Variants in HIRA observed in about 807,000 individuals in gnomAD.
HIRA encodes the protein histone cell cycle regulator.
A neutral mutation model predicts 126.6 loss-of-function variants in HIRA; 13 were observed. That is an observed-to-expected ratio of 0.10 (90% CI 0.07 to 0.16). The LOEUF (loss-of-function observed/expected upper bound fraction) is 0.16, where lower values mean the gene tolerates loss of function less well. Among genes scored for constraint, HIRA ranks in the 10% least tolerant of loss-of-function variants. HIRA has a pLI of 1.00. For missense variants in HIRA, 834 were observed against 1,314.4 expected, an observed-to-expected ratio of 0.63 and a Z score of 5.65; for synonymous variants, 511 against 520.0, an observed-to-expected ratio of 0.98 and a Z score of 0.24.
At position 19,431,405 on chromosome 22, in the gene HIRA, G is replaced by C. The variant is rs781758134; in HGVS notation, c.37+35C>G. On this transcript the variant is annotated intron_variant, in intron 1 of 24. Coordinates refer to ENST00000263208, the MANE Select transcript of HIRA (RefSeq NM_003325.4). ...CGACTCCAGACCCCGACCCGACTCC[G>C]GGCTCGGCCTCCCGCGACCCCTGCG... 3 of 1,604,704 alleles carry C rather than the reference G, an allele frequency of 1.9e-6. No homozygotes were observed. In the South Asian group the frequency reaches 3.3e-5, roughly 18 times the overall value.
intron 24 of HIRA, among the ~76,000 whole-genome samples, chr22:19,335,085 A>T (rs2088549568): frequency 6.6e-6 from 1 of 152,242 alleles, no homozygotes; most frequent in Admixed American, 6.5e-5. Context: ...GTCTTCAAGT[A>T]TTATATCACT....
chr22:19,348,669 G>A (rs568668115), intron 24 of HIRA, among the ~76,000 whole-genome samples: 1 of 150,616 alleles, frequency 6.6e-6, no homozygotes, highest in South Asian at 2.1e-4. Flanking sequence ...CTAATTTTTT[G>A]TATTTTTAGT....
rs2089036728 is a variant in HIRA, at chr22:19,378,131, T to C, written c.1416-65A>G. ...GGTGCCACATCCAGTACTTTATACATTCAAATAACTTTTTTCTAGGTCCAA... is the reference window on the plus strand; with the variant it reads ...GGTGCCACATCCAGTACTTTATACACTCAAATAACTTTTTTCTAGGTCCAA... On this transcript the variant is annotated intron_variant, in intron 13 of 24. Coordinates refer to ENST00000263208, the MANE Select transcript of HIRA (RefSeq NM_003325.4). The C allele has an allele frequency of 4.0e-6, 5 of 1,247,608 alleles. No individual in the cohort carries two copies. In the Admixed American group the frequency reaches 1.4e-4, roughly 35 times the overall value. The allele number at this position is 1,247,608 out of a possible 1,614,324, so 77.3% of individuals were successfully genotyped here. A position where few individuals can be genotyped will look rare whatever the true frequency, so the allele number is the denominator to read the frequency against.
chr22:19,379,202 C>A (rs1026144239), intron 13 of HIRA, among the ~76,000 whole-genome samples: 1 of 151,336 alleles, frequency 6.6e-6, no homozygotes, highest in African/African-American at 2.4e-5. Context: ...TTAGTAGAGA[C>A]GGGGTTTAAC....
chr22:19,401,936 G>C lies in HIRA; in HGVS notation c.398-3849C>G, dbSNP rs568718193. On this transcript the variant is annotated intron_variant, in intron 5 of 24. Transcript: ENST00000263208. Reference sequence around the variant, plus strand: ...TTGCTCAGAGAAGAGCCTCTGCCACGGTCTCAAAGGCACACTGCCTCCCGC... The same window carrying C: ...TTGCTCAGAGAAGAGCCTCTGCCACCGTCTCAAAGGCACACTGCCTCCCGC... Among the ~76,000 whole-genome samples, 8 of 152,252 alleles carry C rather than the reference G, an allele frequency of 5.3e-5. No homozygotes were observed. In the East Asian group the frequency reaches 1.5e-3, roughly 29 times the overall value.
intron 5 of HIRA, among the ~76,000 whole-genome samples, chr22:19,404,048 A>C (rs903023603): frequency 2.6e-5 from 4 of 152,152 alleles, no homozygotes; most frequent in Non-Finnish European, 5.9e-5. Flanking sequence ...TGTCTGGGTT[A>C]AATGTTTTTC....
rs770918399 is a variant in HIRA at position 19,408,615 on chromosome 22, G to T, written c.101-22C>A. On this transcript the variant is annotated intron_variant, in intron 2 of 24. Coordinates refer to ENST00000263208, the MANE Select transcript of HIRA (RefSeq NM_003325.4). ...TGCCCTGGAACAAAGGAGCAGAAAT[G>T]GCTGAATGTGCAAGGAGTAGAAATT... 3 of 1,365,184 alleles carry T rather than the reference G, an allele frequency of 2.2e-6. No homozygotes were observed. In the African/African-American group the frequency reaches 4.3e-5, roughly 19 times the overall value. 84.6% of individuals were successfully genotyped at this position (1,365,184 alleles called of 1,614,324 possible).
Position 19,375,696 on chromosome 22 carries a change from T to C in HIRA, c.1710A>G (p.Thr570=). The change falls in exon 15 of 25, where the codon ACA becomes ACG. Residue 570 remains threonine, a synonymous_variant. Transcript: ENST00000263208. ...EPMKAFDSRF[T]ERSKATPGAP... ...CACCTGGTGTGGCTTTGGACCGCTC[T>C]GTGAACCGGGAGTCAAACGCTTTCA... 1.9e-6 allele frequency: 3 copies of C among 1,614,202 alleles called. No homozygotes were observed. The highest frequency in any genetic ancestry group is 2.5e-6 in the Non-Finnish European group (3 of 1,180,042).
At chr22:19,345,900 A>C (rs1556008739) in intron 24 of HIRA, among the ~76,000 whole-genome samples, 3 of 152,240 alleles carry the variant, frequency 2.0e-5, no homozygotes, top group African/African-American at 7.2e-5. Flanking sequence ...GGATCCTTGA[A>C]GTTGAAAGAA....
At chr22:19,350,913 G>C (rs2088750071) in intron 24 of HIRA, among the ~76,000 whole-genome samples, 1 of 151,908 alleles carries the variant, frequency 6.6e-6, no homozygotes, top group African/African-American at 2.4e-5. Flanking sequence ...CCTCTCACAA[G>C]GCCTTCCTGG....
At chr22:19,388,089 A>G (rs2089144066) in intron 10 of HIRA, among the ~76,000 whole-genome samples, 1 of 152,146 alleles carries the variant, frequency 6.6e-6, no homozygotes, top group Non-Finnish European at 1.5e-5. Flanking sequence ...AATTTTACTT[A>G]TCTTACTTTT....
chr22:19,404,806 C>T (rs1455821553), intron 5 of HIRA, among the ~76,000 whole-genome samples: 3 of 152,210 alleles, frequency 2.0e-5, no homozygotes, highest in African/African-American at 7.2e-5. Flanking sequence ...ATACCTCTGA[C>T]TATCTAGGCA....
intron 2 of HIRA, among the ~76,000 whole-genome samples, chr22:19,408,873 T>C (rs959291354): frequency 1.3e-5 from 2 of 152,226 alleles, no homozygotes; most frequent in African/African-American, 4.8e-5. Flanking sequence ...AGCTCTGATC[T>C]GGCCTCTAAC....
chr22:19,349,099 C>T (rs1556010029), intron 24 of HIRA, among the ~76,000 whole-genome samples: 1 of 150,162 alleles, frequency 6.7e-6, no homozygotes, highest in Non-Finnish European at 1.5e-5. Flanking sequence ...CTTGATTTTA[C>T]TTTTTTTTAA....
In HIRA at chr22:19,357,013, G is replaced by A. The variant is rs782739782; in HGVS notation, c.2273C>T (p.Ser758Leu). ...VCVACEKRML[S>L]VFSTCGRRLL... ...ACGGCGACCACAGGTGGAGAACACTGACAGCATCCTTTTTTCACAGGCGAC... is the reference window on the plus strand; with the variant it reads ...ACGGCGACCACAGGTGGAGAACACTAACAGCATCCTTTTTTCACAGGCGAC... The change falls in exon 19 of 25, where the codon TCA becomes TTA. Residue 758 changes from serine (S) to leucine (L), a missense_variant. By Grantham distance (145) the Ser-to-Leu change is moderately radical. Around this residue, in one of 5 missense-constraint regions of HIRA, gnomAD observed 468 missense variants for 574.2 expected, o/e 0.82. Transcript: ENST00000263208. 5 of 1,614,114 alleles carry A rather than the reference G, an allele frequency of 3.1e-6. No individual in the cohort carries two copies. The East Asian group carries it at 1.1e-4, about 36-fold the overall frequency.
intron 4 of HIRA, among the ~76,000 whole-genome samples, chr22:19,406,932 C>T (rs1430350364): frequency 6.6e-6 from 1 of 152,204 alleles, no homozygotes; most frequent in Admixed American, 6.5e-5. Context: ...CGAAGCCCCA[C>T]CCACATCGGC....
At chr22:19,334,165 TG>T (rs2088532083) in intron 24 of HIRA, among the ~76,000 whole-genome samples, 1 of 151,322 alleles carries the variant, frequency 6.6e-6, no homozygotes, top group Non-Finnish European at 1.5e-5. Context: ...TTAGTAGAGA[TG>T]GGGTTCCACC....
chr22:19,341,661 A>G (rs371816728), intron 24 of HIRA, among the ~76,000 whole-genome samples: 1 of 152,172 alleles, frequency 6.6e-6, no homozygotes, highest in African/African-American at 2.4e-5. Flanking sequence ...CTTACAGCCA[A>G]CAGATCTTCA....
intron 5 of HIRA, among the ~76,000 whole-genome samples, chr22:19,405,212 C>G (rs1308286425): frequency 6.6e-6 from 1 of 152,164 alleles, no homozygotes; most frequent in Admixed American, 6.5e-5. Context: ...CCTGGAAAAC[C>G]CTTTGGTCCA....
Sources: gnomAD v4.1 joint callset for allele counts (sites outside exome capture counted in the v4.1 genomes callset) on GRCh38, gnomAD v4.1.1 for gene constraint, gnomAD v4.1.1 regional missense constraint, MANE v1.5 for transcripts, NCBI Gene and HGNC (gene_info 2026-07-23, HGNC 2026-07-21) for gene names.